The following PPA2 variants were observed in gnomAD, a reference collection of about 807,000 sequenced individuals.
PPA2 encodes inorganic pyrophosphatase 2, mitochondrial.
In PPA2, 48 loss-of-function variants were observed where a neutral mutation model predicts 49.5. That is an observed-to-expected ratio of 0.97 (90% CI 0.77 to 1.23). PPA2 has a LOEUF of 1.23. PPA2 is among the 50% of genes most tolerant of loss of function. PPA2 has a pLI of 0.00. For missense variants in PPA2, 429 were observed against 410.1 expected, an observed-to-expected ratio of 1.05 and a Z score of -0.40; for synonymous variants, 131 against 139.9, an observed-to-expected ratio of 0.94 and a Z score of 0.45.
intron 7 of PPA2, among the ~76,000 whole-genome samples, chr4:105,422,588 A>G (rs2110267504): frequency 1.1e-5 from 1 of 91,508 alleles, no homozygotes; most frequent in East Asian, 7.7e-4. Flanking sequence ...ATTGCTTGGT[A>G]TAATATTATA....
chr4:105,397,391 G>T (rs1734191756), intron 8 of PPA2, among the ~76,000 whole-genome samples: 1 of 152,180 alleles, frequency 6.6e-6, no homozygotes, highest in Admixed American at 6.5e-5. Flanking sequence ...ATCTGATTAT[G>T]TAAGGATAGA....
chr4:105,410,961 T>A (rs536041803), intron 7 of PPA2, among the ~76,000 whole-genome samples: 1 of 152,174 alleles, frequency 6.6e-6, no homozygotes, highest in Non-Finnish European at 1.5e-5. Context: ...TGCAAAAACA[T>A]GCCAAATGGT....
chr4:105,458,047 C>T (rs1182484935), intron 1 of PPA2, among the ~76,000 whole-genome samples: 1 of 152,044 alleles, frequency 6.6e-6, no homozygotes, highest in Non-Finnish European at 1.5e-5. Context: ...AAATGTGAAC[C>T]AATCTGAAAG....
At chr4:105,424,775 T>C (rs188374200) in intron 6 of PPA2, among the ~76,000 whole-genome samples, 1 of 151,522 alleles carries the variant, frequency 6.6e-6, no homozygotes, top group East Asian at 1.9e-4. Context: ...TAAAAAAAAA[T>C]GGAGGATGAG....
chr4:105,433,076 T>C (rs1723886404), intron 6 of PPA2, among the ~76,000 whole-genome samples: 1 of 152,186 alleles, frequency 6.6e-6, no homozygotes, highest in Non-Finnish European at 1.5e-5. Context: ...AGCATCAGTA[T>C]TAAGGTTTGG....
intron 3 of PPA2, 68 bp from the exon 4 acceptor site, chr4:105,449,471 CTTATAAGAATACCTTAGAT>C: frequency 4.1e-6 from 4 of 981,932 alleles, no homozygotes; most frequent in Non-Finnish European, 6.2e-6. Flanking sequence ...CGTTACCTCC[CTTATAAGAATACCTTAGAT>C]GTTTTCCCCC....
intron 4 of PPA2, among the ~76,000 whole-genome samples, chr4:105,447,385 G>C (rs556146491): frequency 1.3e-5 from 2 of 152,264 alleles, no homozygotes; most frequent in African/African-American, 2.4e-5. Context: ...CAGAGGCTAA[G>C]GGTAGGGGGA....
intron 1 of PPA2, among the ~76,000 whole-genome samples, chr4:105,469,680 T>C (rs1723443783): frequency 6.6e-6 from 1 of 152,218 alleles, no homozygotes; most frequent in South Asian, 2.1e-4. Flanking sequence ...AATTCCTATT[T>C]CACAGCACTG....
chr4:105,440,690 G>A (rs1178527254), intron 5 of PPA2, among the ~76,000 whole-genome samples: 1 of 151,598 alleles, frequency 6.6e-6, no homozygotes, highest in East Asian at 1.9e-4. Context: ...CAATTTTGAT[G>A]AGCATTAATT....
At chr4:105,392,282 A>C (rs1322202345) in intron 9 of PPA2, among the ~76,000 whole-genome samples, 1 of 152,140 alleles carries the variant, frequency 6.6e-6, no homozygotes, top group Non-Finnish European at 1.5e-5. Context: ...ACAAAAAAAA[A>C]AACTTCGGAG....
chr4:105,406,220 A>T (rs1455114542), intron 7 of PPA2, among the ~76,000 whole-genome samples: 1 of 151,642 alleles, frequency 6.6e-6, no homozygotes, highest in Admixed American at 6.6e-5. Flanking sequence ...ACAAAAAAAC[A>T]GGGAAGTAGA....
intron 6 of PPA2, among the ~76,000 whole-genome samples, chr4:105,426,814 T>A (rs184255303): frequency 6.6e-6 from 1 of 152,344 alleles, no homozygotes; most frequent in East Asian, 1.9e-4. Flanking sequence ...TCTCCAGACT[T>A]AAATGTCCCT....
intron 8 of PPA2, among the ~76,000 whole-genome samples, chr4:105,397,337 G>C (rs1734190292): frequency 6.6e-6 from 1 of 152,092 alleles, no homozygotes. Context: ...ATAGTGTTGG[G>C]CGGGAATCTC....
At chr4:105,397,564 A>T (rs1734198872) in intron 8 of PPA2, among the ~76,000 whole-genome samples, 1 of 152,150 alleles carries the variant, frequency 6.6e-6, no homozygotes, top group Non-Finnish European at 1.5e-5. Flanking sequence ...CTATGGTTTG[A>T]GGGGATTTGT....
chr4:105,474,054 G>A lies in PPA2; in HGVS notation c.-4C>T. On this transcript the variant is annotated 5_prime_UTR_variant, in exon 1 of 12. The change creates a new upstream start codon in the 5' untranslated region. Transcript: ENST00000341695. ...GCAGCCGCAGCAGCGCGCTCATGGC[G>A]TCAATGACGGTCCTGCTGTGCGCGC... The A allele has an allele frequency of 1.9e-6, 3 of 1,570,998 alleles. No individual in the cohort carries two copies. The highest frequency in any genetic ancestry group is 2.6e-6 in the Non-Finnish European group (3 of 1,157,324).
intron 2 of PPA2, among the ~76,000 whole-genome samples, chr4:105,455,890 T>C (rs565415862): frequency 8.8e-4 from 134 of 152,324 alleles, no homozygotes; most frequent in African/African-American, 3.1e-3. Context: ...TGGAATGTGG[T>C]CCTGGTTATT....
At chr4:105,395,377 C>T (rs1560610698) in intron 9 of PPA2, among the ~76,000 whole-genome samples, 1 of 152,024 alleles carries the variant, frequency 6.6e-6, no homozygotes, top group Non-Finnish European at 1.5e-5. Flanking sequence ...CTTTAGTACC[C>T]CCACAGGACT....
intron 7 of PPA2, among the ~76,000 whole-genome samples, chr4:105,414,381 G>A (rs927553328): frequency 3.9e-5 from 6 of 152,192 alleles, no homozygotes; most frequent in African/African-American, 1.2e-4. Flanking sequence ...TGCTCGGCCC[G>A]CTGGGCTCCT....
chr4:105,369,882 A>C (rs1732955000), intron 11 of PPA2, 129 bp from the exon 12 acceptor site: 2 of 833,404 alleles, frequency 2.4e-6, no homozygotes, highest in Non-Finnish European at 3.9e-6. Flanking sequence ...AAGCTATCTA[A>C]AGTTGCATTT....
Sources: gnomAD v4.1 joint callset for allele counts (sites outside exome capture counted in the v4.1 genomes callset) on GRCh38, gnomAD v4.1.1 for gene constraint, MANE v1.5 for transcripts, NCBI Gene and HGNC (gene_info 2026-07-23, HGNC 2026-07-21) for gene names.